The following HAUS2 variants were observed in gnomAD, a reference collection of about 807,000 sequenced individuals.
The protein encoded by HAUS2 is HAUS augmin like complex subunit 2, also known as HAUS augmin-like complex subunit 2.
Under a neutral mutation model 21.6 loss-of-function variants are expected in HAUS2, and 20 were observed. The observed-to-expected ratio is 0.93, with a 90% CI of 0.65 to 1.35. HAUS2 has a LOEUF of 1.35. Ranked by LOEUF, HAUS2 falls within the 40% of genes most tolerant of loss-of-function variation. HAUS2 has a pLI of 0.00. For missense variants in HAUS2, 297 were observed against 280.7 expected (o/e 1.06, Z -0.42); for synonymous variants, 113 against 95.6 (o/e 1.18, Z -1.06).
intron 1 of HAUS2, among the ~76,000 whole-genome samples, chr15:42,552,022 T>C (rs919127795): frequency 6.6e-6 from 1 of 151,894 alleles, no homozygotes; most frequent in Non-Finnish European, 1.5e-5. Flanking sequence ...TTTTTTTTGT[T>C]TTTTTTGTTT....
chr15:42,555,202 G>A (rs1176425952), intron 1 of HAUS2, among the ~76,000 whole-genome samples: 1 of 151,848 alleles, frequency 6.6e-6, no homozygotes, highest in Non-Finnish European at 1.5e-5. Flanking sequence ...TGGCCAGGAT[G>A]GTCTCGATCT....
At chr15:42,552,792 C>T (rs1470916616) in intron 1 of HAUS2, among the ~76,000 whole-genome samples, 1 of 152,132 alleles carries the variant, frequency 6.6e-6, no homozygotes, top group East Asian at 1.9e-4. Flanking sequence ...GTTTTCTTAA[C>T]TTGTGTCCTA....
At position 42,550,284 on chromosome 15, in the gene HAUS2, GAA is replaced by G. The variant is rs61442261; in HGVS notation, c.93+1336_93+1337del. 5.1e-3 allele frequency among the ~76,000 whole-genome samples: 506 copies of G among 98,326 alleles called. 3 individuals carry two copies. The highest frequency in any genetic ancestry group is 0.016 in the African/African-American group (453 of 28,212). The allele number at this position is 98,326 out of a possible 152,430, so 64.5% of individuals were successfully genotyped here. A position where few individuals can be genotyped will look rare whatever the true frequency, so the allele number is the denominator to read the frequency against. ...CGACAGAGTGAGACCCTGTCTCAGG[GAA>G]AAAAAAAAAAAAAAAAGCACTACAA... On this transcript the variant is annotated intron_variant, in intron 1 of 5. Coordinates refer to ENST00000260372, the MANE Select transcript of HAUS2 (RefSeq NM_018097.3).
At chr15:42,554,284 T>C (rs2057751218) in intron 1 of HAUS2, among the ~76,000 whole-genome samples, 1 of 152,116 alleles carries the variant, frequency 6.6e-6, no homozygotes, top group Non-Finnish European at 1.5e-5. Flanking sequence ...AGGGTTTTCC[T>C]TCTTTTTTTT....
At chr15:42,560,955 T>C in intron 3 of HAUS2, 1 of 634,956 alleles carries the variant, frequency 1.6e-6, no homozygotes, top group South Asian at 1.8e-5. Context: ...AAAAAGACTT[T>C]GTGTTAAGAA....
intron 3 of HAUS2, among the ~76,000 whole-genome samples, chr15:42,559,919 G>A (rs2057830631): frequency 6.6e-6 from 1 of 152,172 alleles, no homozygotes; most frequent in Non-Finnish European, 1.5e-5. Context: ...AGCACTTTGG[G>A]AGGCCAAGGT....
At position 42,569,310 on chromosome 15, in the gene HAUS2, T is replaced by G. The variant is rs2057938038; in HGVS notation, c.*2494T>G. 1 of 149,808 alleles carries G rather than the reference T, an allele frequency of 6.7e-6. No homozygotes were observed. The highest frequency in any genetic ancestry group is 1.5e-5 in the Non-Finnish European group (1 of 67,292). 9.3% of individuals were successfully genotyped at this position (149,808 alleles called of 1,614,324 possible). A position where few individuals can be genotyped will look rare whatever the true frequency, so the allele number is the denominator to read the frequency against. On this transcript the variant is annotated 3_prime_UTR_variant, in exon 6 of 6. Transcript: ENST00000260372. Reference sequence around the variant, plus strand: ...TTCTTTTCTTTCCTTTTTTTTTTTTTTTTTTTAAAGACAGGATCTCACTCT... The same window carrying G: ...TTCTTTTCTTTCCTTTTTTTTTTTTGTTTTTTAAAGACAGGATCTCACTCT...
At chr15:42,566,063 G>T (rs139652031) in intron 5 of HAUS2, among the ~76,000 whole-genome samples, 35 of 152,232 alleles carry the variant, frequency 2.3e-4, no homozygotes, top group African/African-American at 8.4e-4. Context: ...TTAGCTGGGC[G>T]TGGTGGCACG....
At chr15:42,554,581 C>A (rs1432708168) in intron 1 of HAUS2, among the ~76,000 whole-genome samples, 2 of 151,242 alleles carry the variant, frequency 1.3e-5, no homozygotes, top group Non-Finnish European at 2.9e-5. Context: ...GCCTCAGCCT[C>A]CTGGGCTCAA....
At chr15:42,555,061 C>T (rs1221372721) in intron 1 of HAUS2, among the ~76,000 whole-genome samples, 1 of 151,434 alleles carries the variant, frequency 6.6e-6, no homozygotes, top group Admixed American at 6.6e-5. Flanking sequence ...GTGATCTCTG[C>T]TCACTGCAAC....
rs2057806669 is a variant in HAUS2 at position 42,558,195 on chromosome 15, T to C, written c.94-3T>C. ...GCTACTTTCCTTATTCATTTACCAA[T>C]AGGAGATGTTAAACATGTCTAAGAA... On this transcript the variant is annotated splice_region_variant and splice_polypyrimidine_tract_variant and intron_variant, in intron 1 of 5. Coordinates refer to ENST00000260372, the MANE Select transcript of HAUS2 (RefSeq NM_018097.3). 5.4e-6 allele frequency: 7 copies of C among 1,293,402 alleles called. No homozygotes were observed. Among genetic ancestry groups the C allele is most frequent in the Non-Finnish European group, 7.8e-6 (7 of 895,170 alleles). 80.1% of individuals were successfully genotyped at this position (1,293,402 alleles called of 1,614,324 possible).
chr15:42,558,943 C>A (rs538817519), intron 2 of HAUS2, among the ~76,000 whole-genome samples: 1 of 151,766 alleles, frequency 6.6e-6, no homozygotes, highest in Non-Finnish European at 1.5e-5. Flanking sequence ...GGGTGACAGA[C>A]GGAGACCCTG....
At chr15:42,550,667 C>T (rs8031383) in intron 1 of HAUS2, among the ~76,000 whole-genome samples, 7,136 of 152,104 alleles carry the variant, frequency 0.047, 563 homozygotes, top group African/African-American at 0.16. Flanking sequence ...CCCTTCTCTC[C>T]TGTGTTTTCT....
At position 42,560,928 on chromosome 15, in the gene HAUS2, TAG is replaced by T. The variant is rs893025093; in HGVS notation, c.257-339_257-338del. The T allele has an allele frequency of 7.4e-6, 5 of 676,934 alleles. No homozygotes were observed. In the African/African-American group the frequency reaches 9.0e-5, roughly 12 times the overall value. The allele number at this position is 676,934 out of a possible 1,614,324, so 41.9% of individuals were successfully genotyped here. A position where few individuals can be genotyped will look rare whatever the true frequency, so the allele number is the denominator to read the frequency against. The stretch of plus-strand genomic sequence containing the variant: ...TTTTCGATGGTCTTTTATAGACTAT[TAG>T]AGTCAGGGATAGGAAAAAAGACTTT... On this transcript the variant is annotated intron_variant, in intron 3 of 5. Coordinates refer to ENST00000260372, the MANE Select transcript of HAUS2 (RefSeq NM_018097.3).
rs1408749617 is a variant in HAUS2 at position 42,569,107 on chromosome 15, C to T, written c.*2291C>T. 2.0e-5 allele frequency: 3 copies of T among 152,028 alleles called. No individual in the cohort carries two copies. Among genetic ancestry groups the T allele is most frequent in the African/African-American group, 7.2e-5 (3 of 41,398 alleles). The allele number at this position is 152,028 out of a possible 1,614,324, so 9.4% of individuals were successfully genotyped here. On this transcript the variant is annotated 3_prime_UTR_variant, in exon 6 of 6. Transcript: ENST00000260372. ...CTTTGGAGGTTTACCTTGCAAAATGCTCAGATATTTTACCTATCAGAGGTT... is the reference window on the plus strand; with the variant it reads ...CTTTGGAGGTTTACCTTGCAAAATGTTCAGATATTTTACCTATCAGAGGTT...
At chr15:42,552,800 C>A (rs1226455521) in intron 1 of HAUS2, among the ~76,000 whole-genome samples, 2 of 152,074 alleles carry the variant, frequency 1.3e-5, no homozygotes, top group Non-Finnish European at 2.9e-5. Flanking sequence ...AACTTGTGTC[C>A]TACTCTCCTC....
Position 42,567,062 on chromosome 15 carries a change from G to T in HAUS2, c.*246G>T. On this transcript the variant is annotated 3_prime_UTR_variant, in exon 6 of 6. Coordinates refer to ENST00000260372, the MANE Select transcript of HAUS2 (RefSeq NM_018097.3). ...TAGCCATGACAATTTATTAATATAA[G>T]TGAATTAACCATTTCTCAGGTGGGA... The T allele has an allele frequency of 3.1e-6, 1 of 325,784 alleles. No homozygotes were observed. Among genetic ancestry groups the T allele is most frequent in the Non-Finnish European group, 5.7e-6 (1 of 175,924 alleles). 20.2% of individuals were successfully genotyped at this position (325,784 alleles called of 1,614,324 possible).
chr15:42,554,967 A>G (rs555851382), intron 1 of HAUS2, among the ~76,000 whole-genome samples: 1 of 150,814 alleles, frequency 6.6e-6, no homozygotes, highest in African/African-American at 2.4e-5. Context: ...AGCTGGGACT[A>G]TAGGCACATG....
chr15:42,561,136 A>G (rs2057848076), intron 3 of HAUS2, 134 bp from the exon 4 acceptor site: 1 of 598,346 alleles, frequency 1.7e-6, no homozygotes, highest in African/African-American at 1.9e-5. Context: ...GGTATTAAAG[A>G]CAGCAAAAAG....
Sources: gnomAD v4.1 joint callset for allele counts (sites outside exome capture counted in the v4.1 genomes callset) on GRCh38, gnomAD v4.1.1 for gene constraint, MANE v1.5 for transcripts, NCBI Gene and HGNC (gene_info 2026-07-23, HGNC 2026-07-21) for gene names.